CSMD1: variants seen among roughly 807,000 people sequenced by gnomAD.
CSMD1 encodes the protein CUB and sushi domain-containing protein 1.
A neutral mutation model predicts 417.5 loss-of-function variants in CSMD1; 213 were observed. That is an observed-to-expected ratio of 0.51 (90% CI 0.46 to 0.57). CSMD1 has a LOEUF of 0.57. CSMD1 is among the 20% of genes least tolerant of loss of function. The probability of loss-of-function intolerance (pLI) is 0.00; values close to 1 mark genes in which losing one functional copy is unlikely to be tolerated. For synonymous variants in CSMD1, 2,862 were observed against 1,736.8 expected (o/e 1.65, Z -16.11); for missense variants, 6,923 against 4,529.7 (o/e 1.53, Z -15.17).
chr8:4,031,947 C>G lies in CSMD1; in HGVS notation c.568G>C (p.Gly190Arg), dbSNP rs1298659079. 1.2e-6 allele frequency: 2 copies of G among 1,613,802 alleles called. No homozygotes were observed. Among genetic ancestry groups the G allele is most frequent in the African/African-American group, 1.3e-5 (1 of 74,924 alleles). Reference protein sequence around the residue: ...HAILTCIVSPGNGASWDFPAP... With the variant: ...HAILTCIVSPRNGASWDFPAP... ...GGGAAGTCCCACGATGCACCATTTC[C>G]TGGGCTGACGATGCAGGTCAGGATG... The change falls in exon 4 of 70, where the codon GGA becomes CGA. Residue 190 changes from glycine to arginine, a missense_variant. By Grantham distance (125) the Gly-to-Arg change is moderately radical. Transcript: ENST00000635120.
At chr8:4,965,838 G>A (rs1046503263) in intron 1 of CSMD1, among the ~76,000 whole-genome samples, 1 of 152,106 alleles carries the variant, frequency 6.6e-6, no homozygotes, top group Non-Finnish European at 1.5e-5. Flanking sequence ...GCATCTTCAT[G>A]TTGATTGGAG....
chr8:4,036,137 G>A (rs546909545), intron 3 of CSMD1, among the ~76,000 whole-genome samples: 6 of 152,302 alleles, frequency 3.9e-5, no homozygotes, highest in South Asian at 2.1e-4. Context: ...CATCCTAGGT[G>A]CGTAGTAGGC....
At position 3,110,751 on chromosome 8, in the gene CSMD1, A is replaced by G. The variant is rs182628671; in HGVS notation, c.6431-416T>C. Among the ~76,000 whole-genome samples, 256 of 152,314 alleles carry G rather than the reference A, an allele frequency of 1.7e-3. 2 individuals are homozygous for G. The highest frequency in any genetic ancestry group is 5.9e-3 in the African/African-American group (246 of 41,572). ...AGACCCTATTTATAAGCCATCTGAA[A>G]GAGTGTCATCTAAGTCTACTTGCCT... On this transcript the variant is annotated intron_variant, in intron 42 of 69. Transcript: ENST00000635120.
rs115952038 is a variant in CSMD1, at chr8:4,720,289, A to G, written c.86-82731T>C. Among the ~76,000 whole-genome samples, 564 of 152,248 alleles carry G rather than the reference A, an allele frequency of 3.7e-3. 2 individuals are homozygous for G. Among genetic ancestry groups the G allele is most frequent in the African/African-American group, 0.012 (500 of 41,554 alleles). ...GGAAAAATTTTTCCAAATATCACAG[A>G]AAGCAATGTGAAATTCCTTCTTCTC... On this transcript the variant is annotated intron_variant, in intron 1 of 69. Coordinates refer to ENST00000635120, the MANE Select transcript of CSMD1 (RefSeq NM_033225.6).
chr8:4,087,415 G>A (rs544974850), intron 3 of CSMD1, among the ~76,000 whole-genome samples: 71 of 152,270 alleles, frequency 4.7e-4, no homozygotes, highest in African/African-American at 1.7e-3. Flanking sequence ...TTGAGCAGAT[G>A]CTCTTAATTC....
At chr8:4,227,862 C>G (rs1003552478) in intron 3 of CSMD1, among the ~76,000 whole-genome samples, 2 of 151,086 alleles carry the variant, frequency 1.3e-5, no homozygotes, top group Non-Finnish European at 3.0e-5. Flanking sequence ...CCAGGAGACA[C>G]AGCCTCCATC....
At chr8:3,440,950 T>A (rs938151476) in intron 12 of CSMD1, among the ~76,000 whole-genome samples, 4 of 152,180 alleles carry the variant, frequency 2.6e-5, no homozygotes, top group African/African-American at 9.7e-5. Flanking sequence ...TGATTTTATT[T>A]GGAAAATGGG....
intron 7 of CSMD1, among the ~76,000 whole-genome samples, chr8:3,653,298 G>T (rs1379977099): frequency 6.6e-6 from 1 of 152,048 alleles, no homozygotes; most frequent in Non-Finnish European, 1.5e-5. Flanking sequence ...GAAAACTAAA[G>T]TTATGGGGGT....
intron 8 of CSMD1, among the ~76,000 whole-genome samples, chr8:3,590,145 C>G (rs1401109640): frequency 6.6e-6 from 1 of 151,870 alleles, no homozygotes; most frequent in Non-Finnish European, 1.5e-5. Flanking sequence ...AAGGACAATA[C>G]AAAATTGTAT....
chr8:4,651,706 A>G (rs552072706), intron 1 of CSMD1, among the ~76,000 whole-genome samples: 1 of 152,284 alleles, frequency 6.6e-6, no homozygotes, highest in South Asian at 2.1e-4. Context: ...TATTATTTCA[A>G]CATGACACTC....
At chr8:3,035,569 T>C (rs1452666912) in intron 50 of CSMD1, among the ~76,000 whole-genome samples, 3 of 152,214 alleles carry the variant, frequency 2.0e-5, no homozygotes, top group Non-Finnish European at 4.4e-5. Flanking sequence ...GTTTCAGGAA[T>C]TGAATCGACA....
intron 2 of CSMD1, among the ~76,000 whole-genome samples, chr8:4,459,810 T>G (rs1050064024): frequency 6.6e-6 from 1 of 152,176 alleles, no homozygotes; most frequent in African/African-American, 2.4e-5. Flanking sequence ...ACCATACAAT[T>G]TGTGGTACTT....
At chr8:4,708,353 G>T (rs1028546284) in intron 1 of CSMD1, among the ~76,000 whole-genome samples, 1 of 152,136 alleles carries the variant, frequency 6.6e-6, no homozygotes, top group African/African-American at 2.4e-5. Context: ...TGAACATTTA[G>T]ACAACATCTG....
chr8:2,990,313 A>T (rs1806266125), intron 54 of CSMD1, among the ~76,000 whole-genome samples: 2 of 152,166 alleles, frequency 1.3e-5, no homozygotes. Context: ...GAACTGAATG[A>T]GTTAACGTGA....
In CSMD1 at chr8:4,086,969, T is replaced by A. The variant is rs529154676; in HGVS notation, c.416-54870A>T. On this transcript the variant is annotated intron_variant, in intron 3 of 69. Transcript: ENST00000635120. ...TGGTTTGGGTAAATTACCAGATTGC[T>A]CTGAGCTTCTGTTTCCTCATTTACA... Among the ~76,000 whole-genome samples the A allele has an allele frequency of 3.9e-5, 6 of 152,332 alleles. No homozygotes were observed. The South Asian group carries it at 1.2e-3, about 32-fold the overall frequency.
chr8:4,159,627 C>T (rs545817358), intron 3 of CSMD1, among the ~76,000 whole-genome samples: 6 of 152,122 alleles, frequency 3.9e-5, no homozygotes, highest in Non-Finnish European at 7.4e-5. Flanking sequence ...CTCACTCTGT[C>T]GCCCAGGCTG....
At chr8:4,536,485 T>C (rs939597896) in intron 2 of CSMD1, among the ~76,000 whole-genome samples, 1 of 152,162 alleles carries the variant, frequency 6.6e-6, no homozygotes, top group African/African-American at 2.4e-5. Flanking sequence ...GTACTTTCTC[T>C]ACCTTGTCTT....
chr8:4,530,660 G>T (rs1004365677), intron 2 of CSMD1, among the ~76,000 whole-genome samples: 1 of 151,148 alleles, frequency 6.6e-6, no homozygotes, highest in Non-Finnish European at 1.5e-5. Context: ...CCATGTCCCT[G>T]CAAAGGGCAT....
At chr8:3,635,959 T>A (rs1010419622) in intron 7 of CSMD1, among the ~76,000 whole-genome samples, 1 of 152,178 alleles carries the variant, frequency 6.6e-6, no homozygotes, top group African/African-American at 2.4e-5. Context: ...TAAACTTCTA[T>A]TTAGCTTTTG....
Sources: gnomAD v4.1 joint callset for allele counts (sites outside exome capture counted in the v4.1 genomes callset) on GRCh38, gnomAD v4.1.1 for gene constraint, MANE v1.5 for transcripts, NCBI Gene and HGNC (gene_info 2026-07-23, HGNC 2026-07-21) for gene names.